The following EZH2 variants were observed in gnomAD, a reference collection of about 807,000 sequenced individuals.
EZH2 encodes the protein enhancer of zeste 2 polycomb repressive complex 2 subunit, also known as histone-lysine N-methyltransferase EZH2.
Under a neutral mutation model 98.4 loss-of-function variants are expected in EZH2, and 18 were observed. That is an observed-to-expected ratio of 0.18 (90% confidence interval 0.13 to 0.27). The LOEUF is 0.27. Ranked by LOEUF, EZH2 falls within the 10% of genes least tolerant of loss-of-function variation. The probability of loss-of-function intolerance (pLI) is 1.00; values close to 1 mark genes in which losing one functional copy is unlikely to be tolerated. For synonymous variants in EZH2, 338 were observed against 312.3 expected, an observed-to-expected ratio of 1.08 and a Z score of -0.87; for missense variants, 470 against 935.1, an observed-to-expected ratio of 0.50 and a Z score of 6.49.
chr7:148,863,936 A>G (rs1818068746), intron 1 of EZH2, among the ~76,000 whole-genome samples: 2 of 152,258 alleles, frequency 1.3e-5, no homozygotes, highest in African/African-American at 4.8e-5. Flanking sequence ...TGTACATGAA[A>G]GTACAGATGA....
intron 1 of EZH2, among the ~76,000 whole-genome samples, chr7:148,871,403 T>TAA (rs71529646): frequency 0.044 from 3,863 of 88,564 alleles, 76 homozygotes; most frequent in Admixed American, 0.084. Context: ...GACGAATAAT[T>TAA]AAAAAAAAAA....
chr7:148,866,459 T>G (rs1451417975), intron 1 of EZH2, among the ~76,000 whole-genome samples: 1 of 150,720 alleles, frequency 6.6e-6, no homozygotes, highest in Non-Finnish European at 1.5e-5. Flanking sequence ...GGTACCTTGA[T>G]CTTAAACTTC....
At chr7:148,855,196 C>CA (rs1364617059) in intron 1 of EZH2, among the ~76,000 whole-genome samples, 1 of 152,238 alleles carries the variant, frequency 6.6e-6, no homozygotes. Context: ...TAGGCCAGGC[C>CA]ATGTTCTAGC....
At chr7:148,819,762 A>G in intron 8 of EZH2, 75 bp from the exon 9 acceptor site, 1 of 1,297,922 alleles carries the variant, frequency 7.7e-7, no homozygotes, top group South Asian at 1.3e-5. Flanking sequence ...GTTCCACTGG[A>G]AAAGTCAATT....
At chr7:148,857,705 C>T (rs1052873761) in intron 1 of EZH2, among the ~76,000 whole-genome samples, 1 of 151,888 alleles carries the variant, frequency 6.6e-6, no homozygotes, top group Non-Finnish European at 1.5e-5. Context: ...GAGCAGAGAT[C>T]GCACCTCTGC....
Position 148,868,470 on chromosome 7 carries a change from G to A in EZH2, c.-8+15694C>T, listed in dbSNP as rs145880692. Among the ~76,000 whole-genome samples, 336 of 152,242 alleles carry A rather than the reference G, an allele frequency of 2.2e-3. 2 individuals are homozygous for A. The highest frequency in any genetic ancestry group is 7.6e-3 in the African/African-American group (316 of 41,548). On this transcript the variant is annotated intron_variant, in intron 1 of 19. Coordinates refer to ENST00000320356, the MANE Select transcript of EZH2 (RefSeq NM_004456.5). ...AGATCTCACGAGAACTCACTGTCACGAGAACTCACTGTCAGGAGAACAGCA... is the reference window on the plus strand; with the variant it reads ...AGATCTCACGAGAACTCACTGTCACAAGAACTCACTGTCAGGAGAACAGCA...
chr7:148,814,696 A>G (rs1804077533), intron 14 of EZH2, among the ~76,000 whole-genome samples: 1 of 152,162 alleles, frequency 6.6e-6, no homozygotes, highest in African/African-American at 2.4e-5. Context: ...CTTTAATACA[A>G]CTTTGCCTGC....
chr7:148,868,253 G>A (rs1220338220), intron 1 of EZH2, among the ~76,000 whole-genome samples: 2 of 152,124 alleles, frequency 1.3e-5, no homozygotes, highest in Admixed American at 1.3e-4. Context: ...AAGAGCTGAG[G>A]GTGGGTAATT....
intron 8 of EZH2, 136 bp downstream of exon 8, chr7:148,826,318 A>G (rs191933424): frequency 2.4e-5 from 16 of 661,298 alleles, no homozygotes; most frequent in Middle Eastern, 4.6e-4. Context: ...AGTAAAAATA[A>G]TAATACTGAG....
In EZH2 at chr7:148,821,581, T is replaced by A. The variant is rs77594274; in HGVS notation, c.908-1894A>T. 8.1e-3 allele frequency among the ~76,000 whole-genome samples: 1,236 copies of A among 152,306 alleles called. 20 individuals carry two copies. Among genetic ancestry groups the A allele is most frequent in the African/African-American group, 0.029 (1,194 of 41,562 alleles). Reference sequence around the variant, plus strand: ...GGCTCACGCCTGTAATTCCAGCACTTTGGGAGCCCAAAGTAGGAGCATCAC... The same window carrying A: ...GGCTCACGCCTGTAATTCCAGCACTATGGGAGCCCAAAGTAGGAGCATCAC... On this transcript the variant is annotated intron_variant, in intron 8 of 19. Transcript: ENST00000320356.
intron 1 of EZH2, among the ~76,000 whole-genome samples, chr7:148,853,370 CCACTG>C (rs1816204699): frequency 6.6e-6 from 1 of 152,174 alleles, no homozygotes; most frequent in Non-Finnish European, 1.5e-5. Flanking sequence ...CAGGATCATG[CCACTG>C]CACTCCAGCC....
At position 148,884,168 on chromosome 7, in the gene EZH2, GTCCCGCGCGCCGACTCGCGTTGT is replaced by G. The variant is rs1393366786; in HGVS notation, c.-35_-13del. On this transcript the variant is annotated 5_prime_UTR_variant, in exon 1 of 20. Coordinates refer to ENST00000320356, the MANE Select transcript of EZH2 (RefSeq NM_004456.5). The stretch of plus-strand genomic sequence containing the variant: ...CCGCCCGCAGCGGCGCGTTACCTTC[GTCCCGCGCGCCGACTCGCGTTGT>G]TCCCGCGCGTCGCCCCCGCGCGCCG... 5 of 159,170 alleles carry G rather than the reference GTCCCGCGCGCCGACTCGCGTTGT, an allele frequency of 3.1e-5. No individual in the cohort carries two copies. Among genetic ancestry groups the G allele is most frequent in the Admixed American group, 1.3e-4 (2 of 15,232 alleles). 9.9% of individuals were successfully genotyped at this position (159,170 alleles called of 1,614,324 possible).
At chr7:148,823,638 TAC>T (rs956273981) in intron 8 of EZH2, among the ~76,000 whole-genome samples, 3 of 151,522 alleles carry the variant, frequency 2.0e-5, no homozygotes, top group Non-Finnish European at 2.9e-5. Flanking sequence ...GACTTTATTG[TAC>T]ACATTTTCAT....
chr7:148,874,084 TATA>T (rs1375313227), intron 1 of EZH2, among the ~76,000 whole-genome samples: 7 of 152,030 alleles, frequency 4.6e-5, no homozygotes, highest in African/African-American at 1.7e-4. Flanking sequence ...AGGAGAAAGA[TATA>T]AGAAGAAAAC....
intron 19 of EZH2, among the ~76,000 whole-genome samples, chr7:148,808,245 C>G (rs1311860983): frequency 6.6e-6 from 1 of 152,228 alleles, no homozygotes; most frequent in African/African-American, 2.4e-5. Flanking sequence ...CCACACTCTT[C>G]ATTCAGAGCC....
chr7:148,816,246 A>C (rs1804514457), intron 12 of EZH2, among the ~76,000 whole-genome samples: 1 of 152,240 alleles, frequency 6.6e-6, no homozygotes, highest in Admixed American at 6.5e-5. Flanking sequence ...ACACAAGCTT[A>C]AAGTAGGGTA....
intron 1 of EZH2, chr7:148,850,432 GT>G (rs1815418689): frequency 1.1e-6 from 1 of 945,824 alleles, no homozygotes; most frequent in South Asian, 4.9e-5. Context: ...TTTCCATGCT[GT>G]TTCTACCATT....
intron 1 of EZH2, among the ~76,000 whole-genome samples, chr7:148,858,700 T>A (rs10952782): frequency 0.41 from 62,400 of 151,926 alleles, 13,341 homozygotes; most frequent in Non-Finnish European, 0.48. Context: ...TAATTTTTTT[T>A]AATTTATTTT....
At chr7:148,854,072 G>A (rs1489127180) in intron 1 of EZH2, among the ~76,000 whole-genome samples, 1 of 152,170 alleles carries the variant, frequency 6.6e-6, no homozygotes, top group African/African-American at 2.4e-5. Flanking sequence ...AGACATTCCT[G>A]TCCCTCTTTA....
Sources: gnomAD v4.1 joint callset for allele counts (sites outside exome capture counted in the v4.1 genomes callset) on GRCh38, gnomAD v4.1.1 for gene constraint, MANE v1.5 for transcripts, NCBI Gene and HGNC (gene_info 2026-07-23, HGNC 2026-07-21) for gene names.